EARS2: variants seen among roughly 807,000 people sequenced by gnomAD.
EARS2 encodes the protein nondiscriminating glutamyl-tRNA synthetase EARS2, mitochondrial.
A neutral mutation model predicts 54.1 loss-of-function variants in EARS2; 50 were observed. The ratio of observed to expected loss-of-function variants is 0.92; its 90% confidence interval spans 0.74 to 1.17. EARS2 has a LOEUF of 1.17. EARS2 is among the 50% of genes most tolerant of loss of function. The probability of loss-of-function intolerance (pLI) is 0.00; values close to 1 mark genes in which losing one functional copy is unlikely to be tolerated. For missense variants in EARS2, 673 were observed against 675.0 expected (o/e 1.00, Z 0.03); for synonymous variants, 298 against 281.0 (o/e 1.06, Z -0.61).
At chr16:23,539,878 G>A (rs562075636) in intron 3 of EARS2, among the ~76,000 whole-genome samples, 1 of 152,068 alleles carries the variant, frequency 6.6e-6, no homozygotes, top group Non-Finnish European at 1.5e-5. Context: ...AGCCGGGCAT[G>A]ATGGCTCACA....
intron 2 of EARS2, chr16:23,545,183 T>C (rs1395741313): frequency 6.5e-6 from 1 of 154,244 alleles, no homozygotes; most frequent in East Asian, 1.9e-4. Flanking sequence ...CACAGAGAGG[T>C]GAAGCACTCA....
intron 1 of EARS2, chr16:23,553,072 G>C (rs1037130103): frequency 2.5e-6 from 1 of 402,804 alleles, no homozygotes; most frequent in African/African-American, 2.1e-5. Context: ...AGGCTGCAGC[G>C]AGCCATGATC....
chr16:23,533,058 C>T (rs1001628393), intron 4 of EARS2, among the ~76,000 whole-genome samples: 3 of 152,022 alleles, frequency 2.0e-5, no homozygotes, highest in African/African-American at 2.4e-5. Context: ...AGGCAGAGGT[C>T]GGCAGATCAT....
At chr16:23,545,880 T>C (rs1454743681) in intron 2 of EARS2, among the ~76,000 whole-genome samples, 1 of 152,126 alleles carries the variant, frequency 6.6e-6, no homozygotes, top group Non-Finnish European at 1.5e-5. Context: ...TAGGGTGCAG[T>C]AGTGCAATCA....
chr16:23,527,617 A>C (rs1383882996), intron 7 of EARS2, among the ~76,000 whole-genome samples: 1 of 147,360 alleles, frequency 6.8e-6, no homozygotes, highest in Non-Finnish European at 1.5e-5. Flanking sequence ...CCAGTGGTGC[A>C]ACCTCAGCTC....
intron 5 of EARS2, among the ~76,000 whole-genome samples, chr16:23,531,386 G>C (rs141421093): frequency 0.013 from 2,020 of 152,046 alleles, 48 homozygotes; most frequent in African/African-American, 0.046. Flanking sequence ...TCAGCCTCCT[G>C]AGTAGCTGGG....
chr16:23,538,008 G>A (rs775437052), intron 3 of EARS2, among the ~76,000 whole-genome samples: 3 of 151,496 alleles, frequency 2.0e-5, no homozygotes, highest in Non-Finnish European at 4.4e-5. Context: ...TGTTGCGAAG[G>A]CTGGGCTCTA....
intron 3 of EARS2, 74 bp from the exon 4 acceptor site, chr16:23,535,434 C>G: frequency 7.2e-7 from 1 of 1,398,132 alleles, no homozygotes; most frequent in Non-Finnish European, 9.8e-7. Flanking sequence ...TCTGTCATAG[C>G]TGTGTGACCT....
At chr16:23,542,161 T>C (rs549303002) in intron 3 of EARS2, among the ~76,000 whole-genome samples, 20 of 151,134 alleles carry the variant, frequency 1.3e-4, no homozygotes, top group African/African-American at 4.6e-4. Context: ...CCAGGCCTAA[T>C]TTTTGTATTT....
intron 5 of EARS2, among the ~76,000 whole-genome samples, chr16:23,531,821 A>C (rs544064177): frequency 1.1e-4 from 17 of 152,256 alleles, no homozygotes; most frequent in Non-Finnish European, 2.4e-4. Context: ...CAAACCACTA[A>C]TAACTTTTTT....
At chr16:23,531,633 G>A (rs1324295458) in intron 5 of EARS2, among the ~76,000 whole-genome samples, 1 of 152,134 alleles carries the variant, frequency 6.6e-6, no homozygotes, top group Non-Finnish European at 1.5e-5. Flanking sequence ...TCATACAACT[G>A]ACCTCATAGG....
rs568786615 is a variant in EARS2, at chr16:23,542,214, G to A, written c.485+2300C>T. Among the ~76,000 whole-genome samples, 10 of 151,566 alleles carry A rather than the reference G, an allele frequency of 6.6e-5. 1 individual carries two copies. The highest frequency in any genetic ancestry group is 2.1e-4 in the South Asian group (1 of 4,798). ...TCACCATGTTGGCCAGGCTGGTCTCGAACTTCTGACCTCAAGTGATCTGCC... is the reference window on the plus strand; with the variant it reads ...TCACCATGTTGGCCAGGCTGGTCTCAAACTTCTGACCTCAAGTGATCTGCC... On this transcript the variant is annotated intron_variant, in intron 3 of 8. Transcript: ENST00000449606.
chr16:23,538,058 C>T (rs1428610022), intron 3 of EARS2, among the ~76,000 whole-genome samples: 1 of 151,050 alleles, frequency 6.6e-6, no homozygotes, highest in East Asian at 1.9e-4. Flanking sequence ...GCTGGGATTA[C>T]AGGCATGAGC....
At chr16:23,552,569 C>T (rs1204803516) in intron 1 of EARS2, among the ~76,000 whole-genome samples, 1 of 152,164 alleles carries the variant, frequency 6.6e-6, no homozygotes, top group African/African-American at 2.4e-5. Context: ...TGGCTCACTG[C>T]AACCTCTGCC....
chr16:23,552,540 G>T (rs971207222), intron 1 of EARS2, among the ~76,000 whole-genome samples: 3 of 152,074 alleles, frequency 2.0e-5, no homozygotes, highest in African/African-American at 4.8e-5. Context: ...ACCCAAGCTG[G>T]AGTGCAGTGG....
At chr16:23,551,541 G>A (rs1158321672) in intron 2 of EARS2, among the ~76,000 whole-genome samples, 1 of 152,106 alleles carries the variant, frequency 6.6e-6, no homozygotes, top group African/African-American at 2.4e-5. Flanking sequence ...CTTGAGCCCA[G>A]GTCGAGGCTA....
chr16:23,544,589 G>A lies in EARS2; in HGVS notation c.410C>T (p.Ala137Val). 6.2e-7 allele frequency: 1 copy of A among 1,614,082 alleles called. No homozygotes were observed. The change falls in exon 3 of 9, where the codon GCT becomes GTT. Residue 137 changes from alanine to valine, a missense_variant. By Grantham distance (64) the Ala-to-Val change is moderately conservative (BLOSUM62 0). This residue lies in a region of EARS2 where 316 missense variants were observed against 275.2 expected (regional missense o/e 1.15). Coordinates refer to ENST00000449606, the MANE Select transcript of EARS2 (RefSeq NM_001083614.2). ...ATEALLKTGA[A>V]YPCFCSPQRL... ...CTGGGGTGAGCAGAAACAGGGGTAA[G>A]CAGCTCCGGTCTTCAGCAGCGCTTC... is the stretch of plus-strand genomic sequence containing the variant.
In EARS2 at chr16:23,557,137, G is replaced by A. The variant is rs747540356; in HGVS notation, c.139+68C>T. On this transcript the variant is annotated intron_variant, in intron 1 of 8. Transcript: ENST00000449606. ...TGACACCACCGGAAAGGATTCATTC[G>A]GGAACATTCGTGGGGCGGAGACGGG... 9 of 1,488,596 alleles carry A rather than the reference G, an allele frequency of 6.0e-6. No homozygotes were observed. In the African/African-American group the frequency reaches 8.4e-5, roughly 14 times the overall value. 92.2% of individuals were successfully genotyped at this position (1,488,596 alleles called of 1,614,324 possible).
At chr16:23,533,045 G>A (rs969753269) in intron 4 of EARS2, among the ~76,000 whole-genome samples, 5 of 152,152 alleles carry the variant, frequency 3.3e-5, no homozygotes, top group Non-Finnish European at 5.9e-5. Context: ...CCAGCATTTT[G>A]GGAGGCAGAG....
Sources: allele counts gnomAD v4.1 joint callset (sites outside exome capture counted in the v4.1 genomes callset), GRCh38; gene constraint gnomAD v4.1.1; regional missense constraint gnomAD v4.1.1; transcripts MANE v1.5; gene names NCBI Gene and HGNC (gene_info 2026-07-23, HGNC 2026-07-21).